Variants in SCMH1 observed in about 807,000 individuals in gnomAD.
SCMH1 encodes the protein Scm polycomb group protein homolog 1, also known as polycomb protein SCMH1.
In SCMH1, 37 loss-of-function variants were observed where a neutral mutation model predicts 70.8. The observed-to-expected ratio is 0.52, with a 90% CI of 0.40 to 0.69. SCMH1 has a LOEUF of 0.69. Ranked by LOEUF, SCMH1 falls within the 30% of genes least tolerant of loss-of-function variation. SCMH1 has a pLI of 0.00. For synonymous variants in SCMH1, 292 were observed against 307.4 expected (o/e 0.95, Z 0.52); for missense variants, 607 against 827.3 (o/e 0.73, Z 3.27).
chr1:41,213,625 T>C (rs753008627), intron 1 of SCMH1, among the ~76,000 whole-genome samples: 1 of 152,178 alleles, frequency 6.6e-6, no homozygotes, highest in Non-Finnish European at 1.5e-5. Context: ...CCCCATTTAT[T>C]ACCATTAGAT....
intron 12 of SCMH1, among the ~76,000 whole-genome samples, chr1:41,042,769 AG>A (rs1646367180): frequency 6.6e-6 from 1 of 152,236 alleles, no homozygotes; most frequent in African/African-American, 2.4e-5. Context: ...CTTTGAGCAC[AG>A]GGATGGAGTC....
At chr1:41,066,261 T>A (rs1654560079) in intron 10 of SCMH1, among the ~76,000 whole-genome samples, 1 of 152,116 alleles carries the variant, frequency 6.6e-6, no homozygotes, top group African/African-American at 2.4e-5. Context: ...GCTCCCTATG[T>A]CAGTTTCAGG....
At chr1:41,133,456 T>C (rs1038400446) in intron 6 of SCMH1, among the ~76,000 whole-genome samples, 11 of 151,880 alleles carry the variant, frequency 7.2e-5, no homozygotes, top group Middle Eastern at 3.2e-3. Context: ...CTGAAGGAGA[T>C]AGAAACACAA....
At chr1:41,071,517 A>C (rs934601426) in intron 9 of SCMH1, among the ~76,000 whole-genome samples, 5 of 152,198 alleles carry the variant, frequency 3.3e-5, no homozygotes, top group Admixed American at 1.3e-4. Flanking sequence ...AATAAGTGTA[A>C]ATAAATTTTT....
chr1:41,071,919 C>A (rs1404517347), intron 9 of SCMH1, among the ~76,000 whole-genome samples: 1 of 152,190 alleles, frequency 6.6e-6, no homozygotes, highest in Non-Finnish European at 1.5e-5. Context: ...CTACCTTGGC[C>A]TCCCAAAGTG....
intron 1 of SCMH1, among the ~76,000 whole-genome samples, chr1:41,228,823 A>G (rs1320315961): frequency 1.3e-5 from 2 of 152,156 alleles, no homozygotes; most frequent in Non-Finnish European, 2.9e-5. Context: ...TTAACCCTGA[A>G]AGCAACGTGG....
chr1:41,060,576 T>TA (rs1652262450), intron 10 of SCMH1, among the ~76,000 whole-genome samples: 2 of 151,924 alleles, frequency 1.3e-5, no homozygotes. Flanking sequence ...GAAACTTCGA[T>TA]CTATATAAAG....
At chr1:41,029,508 T>A (rs969028417) in intron 13 of SCMH1, among the ~76,000 whole-genome samples, 4 of 152,292 alleles carry the variant, frequency 2.6e-5, no homozygotes, top group Admixed American at 2.6e-4. Flanking sequence ...CCACAAAAGT[T>A]TTTGCTTTGG....
At chr1:41,110,392 C>T (rs1346444964) in intron 8 of SCMH1, among the ~76,000 whole-genome samples, 1 of 152,104 alleles carries the variant, frequency 6.6e-6, no homozygotes, top group African/African-American at 2.4e-5. Flanking sequence ...AAACATCATC[C>T]CTAATTTTAA....
In SCMH1 at chr1:41,037,429, C is replaced by CCGG. The variant is rs754438637; in HGVS notation, c.1608_1610dup (p.Arg537dup). ...GGAGGCCACAGGATGAAAGCAAGGGCCGGTGCCTTTGGGAGGTGCTGACAA... is the reference window on the plus strand; with the variant it reads ...GGAGGCCACAGGATGAAAGCAAGGGCCGGCGGTGCCTTTGGGAGGTGCTGACAA... On this transcript the variant is annotated inframe_insertion, in exon 13 of 15. Transcript: ENST00000337495. The CCGG allele has an allele frequency of 2.5e-4, 402 of 1,614,096 alleles. 1 individual carries two copies. The highest frequency in any genetic ancestry group is 2.1e-4 in the Non-Finnish European group (246 of 1,180,026).
At chr1:41,184,550 C>T (rs12410899) in intron 2 of SCMH1, among the ~76,000 whole-genome samples, 11,877 of 152,178 alleles carry the variant, frequency 0.078, 599 homozygotes, top group South Asian at 0.12. Context: ...TAAAAGACCC[C>T]TGTTCTAGCT....
In SCMH1 at chr1:41,224,396, T is replaced by C. The variant is rs143509472; in HGVS notation, c.-118+17663A>G. Among the ~76,000 whole-genome samples, 926 of 152,306 alleles carry C rather than the reference T, an allele frequency of 6.1e-3. 14 individuals are homozygous for C. Among genetic ancestry groups the C allele is most frequent in the African/African-American group, 0.021 (886 of 41,564 alleles). ...GAAATGAAATGTAAGGGATTAGTGATTATTGTATCTCCATTTTCCCTATAG... is the reference window on the plus strand; with the variant it reads ...GAAATGAAATGTAAGGGATTAGTGACTATTGTATCTCCATTTTCCCTATAG... On this transcript the variant is annotated intron_variant, in intron 1 of 14. Transcript: ENST00000337495.
chr1:41,098,077 C>G (rs895263052), intron 8 of SCMH1, among the ~76,000 whole-genome samples: 2 of 152,154 alleles, frequency 1.3e-5, no homozygotes, highest in Non-Finnish European at 2.9e-5. Flanking sequence ...TAAGTTCTAT[C>G]CAGTCTTCCC....
At chr1:41,064,469 T>C (rs1458354728) in intron 10 of SCMH1, among the ~76,000 whole-genome samples, 3 of 152,224 alleles carry the variant, frequency 2.0e-5, no homozygotes, top group African/African-American at 7.2e-5. Flanking sequence ...TCAGGTGACA[T>C]GATCGTCTAT....
At chr1:41,087,872 T>C (rs1182944661) in intron 8 of SCMH1, among the ~76,000 whole-genome samples, 2 of 151,750 alleles carry the variant, frequency 1.3e-5, no homozygotes, top group Non-Finnish European at 1.5e-5. Flanking sequence ...GCAATACATA[T>C]ACAGTATTAC....
chr1:41,167,372 G>C (rs1386387130), intron 2 of SCMH1, among the ~76,000 whole-genome samples: 2 of 152,106 alleles, frequency 1.3e-5, no homozygotes, highest in African/African-American at 4.8e-5. Flanking sequence ...TCAAGGTACT[G>C]CTGGCCTCAT....
intron 2 of SCMH1, among the ~76,000 whole-genome samples, chr1:41,169,987 A>C (rs1646678735): frequency 6.6e-6 from 1 of 152,118 alleles, no homozygotes; most frequent in Non-Finnish European, 1.5e-5. Flanking sequence ...CTGCCCCTAA[A>C]CTCCCCCAAT....
chr1:41,082,581 G>A (rs1660350487), intron 8 of SCMH1, among the ~76,000 whole-genome samples: 1 of 152,134 alleles, frequency 6.6e-6, no homozygotes, highest in African/African-American at 2.4e-5. Context: ...AACATGGAAA[G>A]GAACAACTGG....
intron 6 of SCMH1, among the ~76,000 whole-genome samples, chr1:41,135,372 G>A (rs1379513430): frequency 2.0e-5 from 3 of 152,144 alleles, no homozygotes; most frequent in Non-Finnish European, 4.4e-5. Context: ...CCCAGTGGGA[G>A]GTAAGTGAAT....
Sources: allele counts gnomAD v4.1 joint callset (sites outside exome capture counted in the v4.1 genomes callset), GRCh38; gene constraint gnomAD v4.1.1; transcripts MANE v1.5; gene names NCBI Gene and HGNC (gene_info 2026-07-23, HGNC 2026-07-21).